Variants in CADPS observed in about 807,000 individuals in gnomAD.
CADPS encodes calcium dependent secretion activator.
Under a neutral mutation model 167.3 loss-of-function variants are expected in CADPS, and 57 were observed. The observed-to-expected ratio is 0.34, with a 90% CI of 0.28 to 0.42. The LOEUF is 0.42. CADPS is among the 20% of genes least tolerant of loss of function. The probability of loss-of-function intolerance (pLI) is 1.00; values close to 1 mark genes in which losing one functional copy is unlikely to be tolerated. For synonymous variants in CADPS, 676 were observed against 635.3 expected (o/e 1.06, Z -0.96); for missense variants, 1,414 against 1,738.1 (o/e 0.81, Z 3.32).
chr3:62,672,456 C>G (rs942696654), intron 3 of CADPS, among the ~76,000 whole-genome samples: 4 of 152,200 alleles, frequency 2.6e-5, no homozygotes, highest in Admixed American at 2.0e-4. Context: ...AGACCCTTAT[C>G]AAGGCGTTGA....
intron 6 of CADPS, among the ~76,000 whole-genome samples, chr3:62,620,815 G>A (rs2063060700): frequency 6.6e-6 from 1 of 152,132 alleles, no homozygotes; most frequent in Admixed American, 6.6e-5. Flanking sequence ...TGACAGCCTG[G>A]TACCTGTGAC....
At chr3:62,407,919 G>C (rs1470131623) in intron 28 of CADPS, among the ~76,000 whole-genome samples, 1 of 152,142 alleles carries the variant, frequency 6.6e-6, no homozygotes, top group Non-Finnish European at 1.5e-5. Flanking sequence ...ACTTTTACTA[G>C]AGATGGGGTT....
At chr3:62,679,171 T>C (rs996876780) in intron 3 of CADPS, among the ~76,000 whole-genome samples, 3 of 152,028 alleles carry the variant, frequency 2.0e-5, no homozygotes, top group Non-Finnish European at 4.4e-5. Flanking sequence ...GCCTTGTGTC[T>C]AGTTGAGCAG....
intron 7 of CADPS, among the ~76,000 whole-genome samples, chr3:62,586,641 T>C (rs2084701351): frequency 6.6e-6 from 1 of 152,202 alleles, no homozygotes; most frequent in Admixed American, 6.5e-5. Flanking sequence ...TAACCACAAA[T>C]TTCAAGTCTT....
At chr3:62,867,046 A>G (rs1470551977) in intron 1 of CADPS, among the ~76,000 whole-genome samples, 1 of 152,086 alleles carries the variant, frequency 6.6e-6, no homozygotes, top group Admixed American at 6.6e-5. Context: ...TTGAACATAT[A>G]TATATATGCT....
chr3:62,499,545 A>T (rs2065372312), intron 17 of CADPS: 1 of 250,634 alleles, frequency 4.0e-6, no homozygotes, highest in Non-Finnish European at 7.9e-6. Flanking sequence ...AAATTTAGTG[A>T]CATTTTGTAC....
chr3:62,781,259 C>T (rs1174718882), intron 1 of CADPS, among the ~76,000 whole-genome samples: 1 of 152,132 alleles, frequency 6.6e-6, no homozygotes, highest in East Asian at 1.9e-4. Flanking sequence ...ACAAAGCCAC[C>T]AGCCCTTTAG....
chr3:62,677,412 T>C (rs1241098387), intron 3 of CADPS, among the ~76,000 whole-genome samples: 1 of 152,152 alleles, frequency 6.6e-6, no homozygotes. Flanking sequence ...AAGTTCTCAG[T>C]AGTTATTACT....
intron 3 of CADPS, among the ~76,000 whole-genome samples, chr3:62,725,498 A>G (rs1411294890): frequency 3.9e-5 from 6 of 152,224 alleles, no homozygotes; most frequent in African/African-American, 9.6e-5. Flanking sequence ...TGGCTCTTGC[A>G]CGAATTAGCT....
chr3:62,615,142 G>C (rs761447311), intron 6 of CADPS, among the ~76,000 whole-genome samples: 1 of 152,134 alleles, frequency 6.6e-6, no homozygotes, highest in Non-Finnish European at 1.5e-5. Context: ...GATGGATGTG[G>C]TATTGAAAGA....
intron 24 of CADPS, among the ~76,000 whole-genome samples, chr3:62,469,294 G>A (rs1340490483): frequency 1.3e-5 from 2 of 152,122 alleles, no homozygotes; most frequent in African/African-American, 4.8e-5. Context: ...GAGTAATAGT[G>A]AGTACTCTGC....
At chr3:62,503,178 T>A (rs1415095092) in intron 17 of CADPS, among the ~76,000 whole-genome samples, 1 of 152,114 alleles carries the variant, frequency 6.6e-6, no homozygotes, top group African/African-American at 2.4e-5. Context: ...CTTCGTACAA[T>A]GAAGAACACC....
At chr3:62,682,004 G>A (rs1440778344) in intron 3 of CADPS, among the ~76,000 whole-genome samples, 3 of 152,072 alleles carry the variant, frequency 2.0e-5, no homozygotes, top group East Asian at 1.9e-4. Context: ...GATGCATTAC[G>A]AAGTATTTAT....
intron 1 of CADPS, among the ~76,000 whole-genome samples, chr3:62,809,676 T>C (rs1183174894): frequency 6.6e-6 from 1 of 152,188 alleles, no homozygotes; most frequent in Non-Finnish European, 1.5e-5. Context: ...AACAGTCTTC[T>C]GTCTTATTCC....
At chr3:62,739,867 A>T (rs1024578372) in intron 3 of CADPS, among the ~76,000 whole-genome samples, 1 of 152,248 alleles carries the variant, frequency 6.6e-6, no homozygotes, top group Non-Finnish European at 1.5e-5. Context: ...CAGTAAAGAG[A>T]GGTTGGTAGT....
chr3:62,783,048 T>G (rs563646186), intron 1 of CADPS, among the ~76,000 whole-genome samples: 1 of 152,244 alleles, frequency 6.6e-6, no homozygotes, highest in East Asian at 1.9e-4. Flanking sequence ...GCGTGAGCCA[T>G]TGCACCTGGC....
intron 9 of CADPS, among the ~76,000 whole-genome samples, chr3:62,560,074 A>C (rs1469375710): frequency 6.6e-6 from 1 of 151,774 alleles, no homozygotes; most frequent in Admixed American, 6.6e-5. Context: ...CACTCTCCAC[A>C]AACTGAATTG....
chr3:62,521,051 T>C (rs970725398), intron 13 of CADPS, among the ~76,000 whole-genome samples: 1 of 152,158 alleles, frequency 6.6e-6, no homozygotes, highest in African/African-American at 2.4e-5. Context: ...GTTCTCAAAC[T>C]TGAATGAGCC....
At chr3:62,807,312 A>G (rs2152841502) in intron 1 of CADPS, among the ~76,000 whole-genome samples, 1 of 130,942 alleles carries the variant, frequency 7.6e-6, no homozygotes, top group African/African-American at 2.7e-5. Flanking sequence ...CCCAGGCTGG[A>G]GGGCACTGGC....
Sources: gnomAD v4.1 joint callset for allele counts (sites outside exome capture counted in the v4.1 genomes callset) on GRCh38, gnomAD v4.1.1 for gene constraint, MANE v1.5 for transcripts, NCBI Gene and HGNC (gene_info 2026-07-23, HGNC 2026-07-21) for gene names.